GRM5: variants seen among roughly 807,000 people sequenced by gnomAD.
GRM5 encodes the protein metabotropic glutamate receptor 5.
In GRM5, 19 loss-of-function variants were observed where a neutral mutation model predicts 83.1. The observed-to-expected ratio is 0.23, with a 90% CI of 0.16 to 0.34. The LOEUF (loss-of-function observed/expected upper bound fraction) is 0.34. GRM5 is among the 10% of genes least tolerant of loss of function. The pLI, the probability that GRM5 is intolerant of heterozygous loss-of-function variation, is 1.00. For synonymous variants in GRM5, 675 were observed against 633.6 expected (o/e 1.07, Z -0.98); for missense variants, 1,160 against 1,588.3 (o/e 0.73, Z 4.58).
intron 3 of GRM5, among the ~76,000 whole-genome samples, chr11:88,764,549 G>A (rs1942590934): frequency 6.6e-6 from 1 of 151,206 alleles, no homozygotes; most frequent in Admixed American, 6.6e-5. Flanking sequence ...AGTAACAGGT[G>A]TAAAAATGGA....
At chr11:88,915,831 G>T (rs1443194837) in intron 2 of GRM5, among the ~76,000 whole-genome samples, 9 of 152,122 alleles carry the variant, frequency 5.9e-5, no homozygotes, top group African/African-American at 1.9e-4. Context: ...AGGTTTTGTT[G>T]TGCAGACATT....
intron 3 of GRM5, among the ~76,000 whole-genome samples, chr11:88,684,201 A>C (rs1480419597): frequency 6.6e-6 from 1 of 152,202 alleles, no homozygotes; most frequent in Non-Finnish European, 1.5e-5. Flanking sequence ...GATTACTTTG[A>C]ATAGGTAGAG....
chr11:89,026,079 C>A (rs1274583607), intron 2 of GRM5, among the ~76,000 whole-genome samples: 1 of 152,160 alleles, frequency 6.6e-6, no homozygotes, highest in Non-Finnish European at 1.5e-5. Context: ...AAAAATACCA[C>A]ATGTTCTCAC....
chr11:88,701,376 C>T (rs570878686), intron 3 of GRM5, among the ~76,000 whole-genome samples: 1 of 152,220 alleles, frequency 6.6e-6, no homozygotes, highest in African/African-American at 2.4e-5. Context: ...TCAGGGATGA[C>T]ATTCTGGGTC....
At chr11:88,713,243 A>G (rs564776287) in intron 3 of GRM5, among the ~76,000 whole-genome samples, 3 of 152,190 alleles carry the variant, frequency 2.0e-5, no homozygotes, top group East Asian at 3.9e-4. Flanking sequence ...TAAAATTAAT[A>G]AAATTTGCTG....
chr11:88,527,760 A>G (rs984536304), intron 8 of GRM5, among the ~76,000 whole-genome samples: 4 of 152,216 alleles, frequency 2.6e-5, no homozygotes, highest in Non-Finnish European at 4.4e-5. Context: ...CTATGCAGTC[A>G]TAAAAAGAAT....
intron 8 of GRM5, among the ~76,000 whole-genome samples, chr11:88,541,631 A>G (rs1412284774): frequency 6.6e-6 from 1 of 152,220 alleles, no homozygotes; most frequent in African/African-American, 2.4e-5. Flanking sequence ...TTTTATTCTC[A>G]GCAATACCAC....
intron 1 of GRM5, among the ~76,000 whole-genome samples, chr11:89,063,103 T>A (rs1355749965): frequency 6.6e-6 from 1 of 152,262 alleles, no homozygotes; most frequent in African/African-American, 2.4e-5. Context: ...AGCAATTCTC[T>A]GTCCTCTTTT....
intron 2 of GRM5, among the ~76,000 whole-genome samples, chr11:88,995,404 G>A (rs1352341635): frequency 6.6e-6 from 1 of 151,808 alleles, no homozygotes; most frequent in African/African-American, 2.4e-5. Context: ...AATTAGCCGG[G>A]CGTGTTTGCA....
intron 8 of GRM5, among the ~76,000 whole-genome samples, chr11:88,540,652 G>A (rs963832283): frequency 3.9e-5 from 6 of 152,134 alleles, no homozygotes; most frequent in African/African-American, 1.4e-4. Flanking sequence ...ACACGGGGAG[G>A]AGGGAACTCA....
At chr11:88,898,022 G>A (rs2135592693) in intron 2 of GRM5, among the ~76,000 whole-genome samples, 1 of 151,970 alleles carries the variant, frequency 6.6e-6, no homozygotes, top group South Asian at 2.1e-4. Context: ...CAGTTCTGGA[G>A]GCTAGAAGAA....
Position 88,546,176 on chromosome 11 carries a change from T to C in GRM5, c.2631-20772A>G, listed in dbSNP as rs534969605. On this transcript the variant is annotated intron_variant, in intron 8 of 9. Coordinates refer to ENST00000305447, the MANE Select transcript of GRM5 (RefSeq NM_001143831.3). ...TTATTCAGAAGGCTGTTCATGACAC[T>C]GTATCTAAACATATCTAAAATTAGT... is the stretch of plus-strand genomic sequence containing the variant. Among the ~76,000 whole-genome samples the C allele has an allele frequency of 5.9e-5, 9 of 152,210 alleles. No homozygotes were observed. The South Asian group carries it at 1.9e-3, about 32-fold the overall frequency.
At chr11:88,772,043 T>C (rs1206581801) in intron 3 of GRM5, among the ~76,000 whole-genome samples, 1 of 152,190 alleles carries the variant, frequency 6.6e-6, no homozygotes, top group Non-Finnish European at 1.5e-5. Context: ...TCTTTTTTTT[T>C]TTTAACTGAG....
chr11:89,035,311 A>C (rs1239620747), intron 2 of GRM5, among the ~76,000 whole-genome samples: 18 of 151,832 alleles, frequency 1.2e-4, no homozygotes, highest in African/African-American at 2.4e-5. Context: ...TGTCTTACTT[A>C]ACTTTTATAT....
intron 3 of GRM5, among the ~76,000 whole-genome samples, chr11:88,844,158 T>A (rs1183982075): frequency 6.6e-6 from 1 of 152,118 alleles, no homozygotes; most frequent in Admixed American, 6.6e-5. Flanking sequence ...ACAGACTAAC[T>A]CTTCTATGAG....
intron 2 of GRM5, among the ~76,000 whole-genome samples, chr11:88,968,009 G>A (rs561784190): frequency 6.6e-6 from 1 of 152,208 alleles, no homozygotes; most frequent in African/African-American, 2.4e-5. Flanking sequence ...CTTTGAATTC[G>A]AATTTGGATG....
chr11:88,777,078 A>G (rs1369762920), intron 3 of GRM5, among the ~76,000 whole-genome samples: 1 of 152,206 alleles, frequency 6.6e-6, no homozygotes, highest in Non-Finnish European at 1.5e-5. Context: ...AGGTACACCA[A>G]TCAAACGTAG....
chr11:88,560,288 AT>A (rs761157595), intron 8 of GRM5, among the ~76,000 whole-genome samples: 36 of 152,192 alleles, frequency 2.4e-4, no homozygotes, highest in Non-Finnish European at 1.8e-4. Context: ...TTTAAACATT[AT>A]TTCTAATTTC....
At chr11:88,792,540 A>G (rs1943195377) in intron 3 of GRM5, among the ~76,000 whole-genome samples, 1 of 152,178 alleles carries the variant, frequency 6.6e-6, no homozygotes, top group Non-Finnish European at 1.5e-5. Flanking sequence ...AAGAAATGAC[A>G]GTAACATTAC....
Sources: gnomAD v4.1 joint callset for allele counts (sites outside exome capture counted in the v4.1 genomes callset) on GRCh38, gnomAD v4.1.1 for gene constraint, MANE v1.5 for transcripts, NCBI Gene and HGNC (gene_info 2026-07-23, HGNC 2026-07-21) for gene names.